Variants in SLC25A21 observed in about 807,000 individuals in gnomAD.
The protein encoded by SLC25A21 is solute carrier family 25 member 21.
A neutral mutation model predicts 43.8 loss-of-function variants in SLC25A21; 47 were observed. The ratio of observed to expected loss-of-function variants is 1.07; its 90% CI spans 0.85 to 1.37. The LOEUF (loss-of-function observed/expected upper bound fraction) is 1.37, where lower values mean the gene tolerates loss of function less well. Among genes scored for constraint, SLC25A21 ranks in the 40% most tolerant of loss-of-function variants. The probability of loss-of-function intolerance (pLI) is 0.00; values close to 1 mark genes in which losing one functional copy is unlikely to be tolerated. For synonymous variants in SLC25A21, 131 were observed against 121.3 expected (o/e 1.08, Z -0.52); for missense variants, 352 against 350.2 (o/e 1.00, Z -0.04).
chr14:36,835,371 C>T (rs1291222269), intron 2 of SLC25A21, among the ~76,000 whole-genome samples: 1 of 152,176 alleles, frequency 6.6e-6, no homozygotes, highest in Non-Finnish European at 1.5e-5. Context: ...CAGCAAGTGA[C>T]CCTGAACCAA....
rs75880680 is a variant in SLC25A21 at position 37,074,243 on chromosome 14, T to C, written c.70+98038A>G. ...AAAACCTCTGTTTTTATACAATAGT[T>C]TGCTTCTAATGATGTGGTACTATTC... On this transcript the variant is annotated intron_variant, in intron 1 of 9. Transcript: ENST00000331299. Among the ~76,000 whole-genome samples, 2,790 of 152,226 alleles carry C rather than the reference T, an allele frequency of 0.018. 202 individuals carry two copies. The East Asian group carries it at 0.26, about 14-fold the overall frequency.
At chr14:37,083,731 C>T (rs1594784844) in intron 1 of SLC25A21, among the ~76,000 whole-genome samples, 1 of 152,294 alleles carries the variant, frequency 6.6e-6, no homozygotes, top group Middle Eastern at 3.4e-3. Flanking sequence ...GCAGAACCTG[C>T]TGAATCACAG....
chr14:37,095,046 A>G (rs1473546859), intron 1 of SLC25A21, among the ~76,000 whole-genome samples: 1 of 152,232 alleles, frequency 6.6e-6, no homozygotes. Flanking sequence ...CACAATGGCC[A>G]TGATAAATAA....
chr14:36,786,221 T>C lies in SLC25A21; in HGVS notation c.203+27697A>G, dbSNP rs115523540. Among the ~76,000 whole-genome samples, 931 of 152,294 alleles carry C rather than the reference T, an allele frequency of 6.1e-3. 4 individuals carry two copies. The highest frequency in any genetic ancestry group is 0.021 in the African/African-American group (888 of 41,558). ...TTGTTGTGAAGATCACATAATGTAA[T>C]GTGTGTAAAGGACCCTGCACCAGAG... On this transcript the variant is annotated intron_variant, in intron 3 of 9. Transcript: ENST00000331299.
chr14:36,998,062 A>T (rs1960410647), intron 1 of SLC25A21, among the ~76,000 whole-genome samples: 1 of 152,162 alleles, frequency 6.6e-6, no homozygotes, highest in Non-Finnish European at 1.5e-5. Context: ...ATGTCAGCCC[A>T]ACCAACATTT....
At chr14:36,838,076 A>G (rs1490807906) in intron 2 of SLC25A21, among the ~76,000 whole-genome samples, 2 of 152,170 alleles carry the variant, frequency 1.3e-5, no homozygotes, top group African/African-American at 2.4e-5. Flanking sequence ...TGAATCTTGT[A>G]CCGGAAACAC....
intron 1 of SLC25A21, among the ~76,000 whole-genome samples, chr14:36,967,492 T>C (rs1959643528): frequency 6.6e-6 from 1 of 152,186 alleles, no homozygotes; most frequent in South Asian, 2.1e-4. Flanking sequence ...TGCTGAGTTT[T>C]TGTGCACCTG....
At chr14:36,862,650 C>T (rs1473157899) in intron 2 of SLC25A21, among the ~76,000 whole-genome samples, 1 of 152,062 alleles carries the variant, frequency 6.6e-6, no homozygotes, top group Non-Finnish European at 1.5e-5. Context: ...AGGAGAAATA[C>T]CTAATGTAAA....
At chr14:36,811,069 G>C (rs1888245758) in intron 3 of SLC25A21, among the ~76,000 whole-genome samples, 1 of 149,424 alleles carries the variant, frequency 6.7e-6, no homozygotes, top group Non-Finnish European at 1.5e-5. Flanking sequence ...GAAAAGCCCT[G>C]AGCATGTGAG....
chr14:37,104,019 T>G (rs1010875811), intron 1 of SLC25A21, among the ~76,000 whole-genome samples: 1 of 152,144 alleles, frequency 6.6e-6, no homozygotes, highest in African/African-American at 2.4e-5. Context: ...CGTGGACCAC[T>G]CTCACTGCAG....
At chr14:36,782,985 T>C (rs8021175) in intron 3 of SLC25A21, among the ~76,000 whole-genome samples, 1 of 146,508 alleles carries the variant, frequency 6.8e-6, no homozygotes, top group South Asian at 2.2e-4. Context: ...AAATAAAAAA[T>C]AAAAAAAATA....
chr14:37,058,295 A>G (rs923651591), intron 1 of SLC25A21, among the ~76,000 whole-genome samples: 4 of 152,214 alleles, frequency 2.6e-5, no homozygotes, highest in African/African-American at 4.8e-5. Context: ...CTCTTCTACC[A>G]TTAGGATGAT....
chr14:36,938,069 C>T (rs1057320330), intron 1 of SLC25A21, among the ~76,000 whole-genome samples: 9 of 151,942 alleles, frequency 5.9e-5, no homozygotes, highest in Admixed American at 2.0e-4. Flanking sequence ...CTTTTGGGTG[C>T]TCAGCAAAAT....
chr14:37,106,936 C>A (rs966952387), intron 1 of SLC25A21, among the ~76,000 whole-genome samples: 20 of 152,150 alleles, frequency 1.3e-4, no homozygotes, highest in Non-Finnish European at 2.1e-4. Flanking sequence ...GGGCGGGTTC[C>A]CCCGATAGTT....
intron 1 of SLC25A21, among the ~76,000 whole-genome samples, chr14:36,966,295 C>T (rs911143619): frequency 2.6e-5 from 4 of 152,184 alleles, no homozygotes; most frequent in African/African-American, 9.6e-5. Flanking sequence ...ACACAGTGGT[C>T]TGTTACTCCA....
chr14:36,814,273 C>A (rs1222907848), intron 2 of SLC25A21, among the ~76,000 whole-genome samples: 1 of 152,098 alleles, frequency 6.6e-6, no homozygotes, highest in Admixed American at 6.5e-5. Context: ...GGCATTTGTG[C>A]TTTTTCCTTT....
chr14:37,169,645 C>T (rs1249104848), intron 1 of SLC25A21, among the ~76,000 whole-genome samples: 2 of 151,250 alleles, frequency 1.3e-5, no homozygotes, highest in African/African-American at 4.9e-5. Context: ...GTGATTAGAA[C>T]TCCAGTGCCA....
intron 2 of SLC25A21, among the ~76,000 whole-genome samples, chr14:36,871,486 T>C (rs890946781): frequency 6.6e-6 from 1 of 152,238 alleles, no homozygotes; most frequent in Admixed American, 6.5e-5. Flanking sequence ...GAAATCCTTG[T>C]TTTTGTAATC....
intron 1 of SLC25A21, among the ~76,000 whole-genome samples, chr14:37,157,120 G>A (rs537017993): frequency 6.6e-6 from 1 of 152,246 alleles, no homozygotes; most frequent in South Asian, 2.1e-4. Flanking sequence ...ACTTTGGGAG[G>A]CCAAGGCAGG....
Sources: allele counts gnomAD v4.1 joint callset (sites outside exome capture counted in the v4.1 genomes callset), GRCh38; gene constraint gnomAD v4.1.1; transcripts MANE v1.5; gene names NCBI Gene and HGNC (gene_info 2026-07-23, HGNC 2026-07-21).